The following SLIT1 variants were observed in gnomAD, a reference collection of about 807,000 sequenced individuals.
SLIT1 encodes the protein slit homolog 1 protein.
In SLIT1, 66 loss-of-function variants were observed where a neutral mutation model predicts 186.1. That is an observed-to-expected ratio of 0.35 (90% CI 0.29 to 0.44). The LOEUF (loss-of-function observed/expected upper bound fraction) is 0.44. Among genes scored for constraint, SLIT1 ranks in the 20% least tolerant of loss-of-function variants. The pLI is 1.00. For synonymous variants in SLIT1, 761 were observed against 833.8 expected (o/e 0.91, Z 1.50); for missense variants, 1,638 against 2,037.4 (o/e 0.80, Z 3.77).
At chr10:97,016,827 G>A (rs1404907874) in intron 28 of SLIT1, among the ~76,000 whole-genome samples, 2 of 152,202 alleles carry the variant, frequency 1.3e-5, no homozygotes, top group Non-Finnish European at 1.5e-5. Context: ...GAGTCTGTGA[G>A]TAAAAAGAAT....
At chr10:97,106,844 A>G (rs1332218896) in intron 4 of SLIT1, among the ~76,000 whole-genome samples, 1 of 152,184 alleles carries the variant, frequency 6.6e-6, no homozygotes, top group Non-Finnish European at 1.5e-5. Context: ...TGCCCTGGAA[A>G]TGCCAGCTCA....
chr10:97,104,045 G>A (rs1056298882), intron 4 of SLIT1, among the ~76,000 whole-genome samples: 2 of 152,138 alleles, frequency 1.3e-5, no homozygotes, highest in African/African-American at 4.8e-5. Context: ...GCCCCGTGGA[G>A]CTCATATTCT....
In SLIT1 at chr10:97,167,895, G is replaced by A. The variant is rs570758469; in HGVS notation, c.198-3005C>T. 6.9e-4 allele frequency among the ~76,000 whole-genome samples: 105 copies of A among 152,250 alleles called. 3 individuals carry two copies. The South Asian group carries it at 0.012, about 18-fold the overall frequency. On this transcript the variant is annotated intron_variant, in intron 1 of 36. Transcript: ENST00000266058. ...GAAGGATGTGTTTGCTTCCCCTTCC[G>A]CCATGATTGTAAGTTTCCTGAGGCC...
Position 97,131,345 on chromosome 10 carries a change from C to G in SLIT1, c.413+26473G>C, listed in dbSNP as rs545613047. Among the ~76,000 whole-genome samples, 5 of 152,370 alleles carry G rather than the reference C, an allele frequency of 3.3e-5. No individual in the cohort carries two copies. The East Asian group carries it at 7.7e-4, about 23-fold the overall frequency. The stretch of plus-strand genomic sequence containing the variant: ...GCTAATTCAAACAAATTCGCCTGGG[C>G]GCTGACAGCCTCTGGTGGATGTGAA... On this transcript the variant is annotated intron_variant, in intron 4 of 36. Coordinates refer to ENST00000266058, the MANE Select transcript of SLIT1 (RefSeq NM_003061.3).
chr10:97,147,639 G>A (rs1353493413), intron 4 of SLIT1, among the ~76,000 whole-genome samples: 1 of 151,786 alleles, frequency 6.6e-6, no homozygotes. Flanking sequence ...TGGGAGGGGG[G>A]GGAAGGAGGC....
intron 4 of SLIT1, among the ~76,000 whole-genome samples, chr10:97,093,953 A>T (rs1849259779): frequency 6.6e-6 from 1 of 152,256 alleles, no homozygotes; most frequent in African/African-American, 2.4e-5. Context: ...AGGGAGAATT[A>T]GGACACAAAC....
chr10:97,138,127 T>C (rs965640672), intron 4 of SLIT1, among the ~76,000 whole-genome samples: 4 of 152,188 alleles, frequency 2.6e-5, no homozygotes, highest in African/African-American at 9.7e-5. Context: ...GGAAATACAG[T>C]GTTTGCAGGT....
At chr10:97,104,772 C>T (rs560054310) in intron 4 of SLIT1, among the ~76,000 whole-genome samples, 14 of 152,164 alleles carry the variant, frequency 9.2e-5, no homozygotes, top group Admixed American at 2.6e-4. Context: ...TCCTACCCAA[C>T]GTCACAACCC....
chr10:97,116,256 A>G (rs1328608151), intron 4 of SLIT1, among the ~76,000 whole-genome samples: 4 of 152,090 alleles, frequency 2.6e-5, no homozygotes, highest in Non-Finnish European at 5.9e-5. Context: ...AAAGAGAAGG[A>G]AGAGAGAGAG....
At chr10:97,029,676 A>C (rs554175912) in intron 25 of SLIT1, among the ~76,000 whole-genome samples, 2 of 152,232 alleles carry the variant, frequency 1.3e-5, no homozygotes. Context: ...TAAGTGTACA[A>C]TTCAGTCACA....
chr10:97,041,773 T>C (rs958843804), intron 20 of SLIT1, among the ~76,000 whole-genome samples: 2 of 152,128 alleles, frequency 1.3e-5, no homozygotes, highest in African/African-American at 2.4e-5. Context: ...GCCTGGCCTG[T>C]CAGTAACTTT....
chr10:97,175,308 G>A (rs1423570632), intron 1 of SLIT1, among the ~76,000 whole-genome samples: 3 of 152,130 alleles, frequency 2.0e-5, no homozygotes, highest in Admixed American at 6.6e-5. Flanking sequence ...TGGACATGTG[G>A]CTTGCTTCCA....
chr10:97,135,865 CTGCTCCATAGAAAAA>C (rs1849698218), intron 4 of SLIT1, among the ~76,000 whole-genome samples: 1 of 152,108 alleles, frequency 6.6e-6, no homozygotes, highest in African/African-American at 2.4e-5. Flanking sequence ...TCTATTTTAC[CTGCTCCATAGAAAAA>C]TGCCCAGGAG....
intron 4 of SLIT1, among the ~76,000 whole-genome samples, chr10:97,130,060 G>C (rs562798192): frequency 6.6e-6 from 1 of 152,236 alleles, no homozygotes; most frequent in Non-Finnish European, 1.5e-5. Context: ...CCTCTCCGCC[G>C]CCAGGAACAG....
rs1589365473 is a variant in SLIT1, at chr10:97,021,378, T to C, written c.2618A>G (p.His873Arg). Residue 873 changes from histidine (H) to arginine (R), a missense_variant, in exon 26 of 37, where the codon CAC (histidine) becomes CGC (arginine). His to Arg is a conservative substitution (Grantham distance 29). Transcript: ENST00000266058. This position sits in a 1 kb window ranked among gnomAD's most constrained non-coding sequence, Gnocchi z 4.5. ...IGANPLYCDCHLRWLSSWVKT... is the reference protein window; with the variant it reads ...IGANPLYCDCRLRWLSSWVKT... ...CACCCAGCTGGACAGCCAGCGGAGG[T>C]GGCAGTCACAGTATAGGGGGTTGGC... The C allele has an allele frequency of 1.2e-6, 2 of 1,613,960 alleles. No individual in the cohort carries two copies. Among genetic ancestry groups the C allele is most frequent in the East Asian group, 2.2e-5 (1 of 44,864 alleles).
At chr10:97,176,444 A>G (rs1326510216) in intron 1 of SLIT1, among the ~76,000 whole-genome samples, 4 of 151,254 alleles carry the variant, frequency 2.6e-5, no homozygotes, top group Non-Finnish European at 5.9e-5. Context: ...TTCCCTCCCC[A>G]AGAGACTCCA....
At chr10:97,130,971 G>T (rs765303206) in intron 4 of SLIT1, among the ~76,000 whole-genome samples, 6 of 152,152 alleles carry the variant, frequency 3.9e-5, no homozygotes, top group South Asian at 4.2e-4. Context: ...TTCCCTGAGT[G>T]GGCAGGACCT....
intron 13 of SLIT1, among the ~76,000 whole-genome samples, chr10:97,050,378 C>T (rs1479183964): frequency 6.6e-6 from 1 of 152,202 alleles, no homozygotes; most frequent in Admixed American, 6.5e-5. Context: ...GTGCTCTCTG[C>T]CGTCCATCAC....
Position 97,021,245 on chromosome 10 carries a change from C to T in SLIT1, c.2746+5G>A, listed in dbSNP as rs774934394. 1.2e-6 allele frequency: 2 copies of T among 1,612,896 alleles called. No homozygotes were observed. The highest frequency in any genetic ancestry group is 2.2e-5 in the South Asian group (2 of 90,880). Reference sequence around the variant, plus strand: ...AGCAGCAGGAGGCTGTGCTCCTAGGCTCACCTTGGCATTCAAACTTCTTGG... The same window carrying T: ...AGCAGCAGGAGGCTGTGCTCCTAGGTTCACCTTGGCATTCAAACTTCTTGG... On this transcript the variant is annotated splice_donor_5th_base_variant and intron_variant, in intron 26 of 36. Coordinates refer to ENST00000266058, the MANE Select transcript of SLIT1 (RefSeq NM_003061.3). The surrounding 1 kb of genome is among the most constrained non-coding windows in gnomAD (Gnocchi z 4.5).
Sources: allele counts gnomAD v4.1 joint callset (sites outside exome capture counted in the v4.1 genomes callset), GRCh38; gene constraint gnomAD v4.1.1; non-coding constraint Gnocchi (gnomAD v3.1); transcripts MANE v1.5; gene names NCBI Gene and HGNC (gene_info 2026-07-23, HGNC 2026-07-21).